Variants in CRACD observed in about 807,000 individuals in gnomAD.
CRACD encodes the protein capping protein inhibiting regulator of actin dynamics, also known as capping protein-inhibiting regulator of actin dynamics.
Under a neutral mutation model 106.8 loss-of-function variants are expected in CRACD, and 56 were observed. That is an observed-to-expected ratio of 0.52 (90% confidence interval 0.42 to 0.66). CRACD has a LOEUF of 0.66. Among genes scored for constraint, CRACD ranks in the 30% least tolerant of loss-of-function variants. CRACD has a pLI of 0.00. For missense variants in CRACD, 1,730 were observed against 1,623.2 expected, an observed-to-expected ratio of 1.07 and a Z score of -1.13; for synonymous variants, 754 against 670.8, an observed-to-expected ratio of 1.12 and a Z score of -1.92.
At chr4:56,223,261 T>C (rs1405291127) in intron 2 of CRACD, among the ~76,000 whole-genome samples, 1 of 151,826 alleles carries the variant, frequency 6.6e-6, no homozygotes, top group African/African-American at 2.4e-5. Flanking sequence ...GAGTTTGTTC[T>C]CTTGAGTCTC....
At chr4:56,074,418 A>G (rs768046637) in intron 1 of CRACD, among the ~76,000 whole-genome samples, 1 of 152,052 alleles carries the variant, frequency 6.6e-6, no homozygotes. Flanking sequence ...TGTAAGTTGT[A>G]TTCCTAGGTA....
intron 4 of CRACD, among the ~76,000 whole-genome samples, chr4:56,305,609 C>A (rs978079144): frequency 6.6e-6 from 1 of 152,182 alleles, no homozygotes; most frequent in East Asian, 1.9e-4. Context: ...TCCCCACAAC[C>A]CTTCCAGGCT....
Position 56,327,823 on chromosome 4 carries a change from C to G in CRACD, c.*19C>G, listed in dbSNP as rs1441009480. ...TAAGTAAAGAGTGACTCTCACCCAT[C>G]CCTACTGCCAGTTATTGGCTCCTCT... On this transcript the variant is annotated 3_prime_UTR_variant, in exon 11 of 11. Transcript: ENST00000682029. The G allele has an allele frequency of 6.2e-7, 1 of 1,600,928 alleles. No individual in the cohort carries two copies. The highest frequency in any genetic ancestry group is 1.7e-5 in the Admixed American group (1 of 58,876).
At chr4:56,307,767 C>G in intron 5 of CRACD, 68 bp downstream of exon 5, 1 of 1,520,138 alleles carries the variant, frequency 6.6e-7, no homozygotes, top group Non-Finnish European at 9.1e-7. Context: ...CTCCAGTAAC[C>G]CTGGGGTCTG....
At chr4:56,237,091 T>A (rs1053812285) in intron 2 of CRACD, among the ~76,000 whole-genome samples, 3 of 152,166 alleles carry the variant, frequency 2.0e-5, no homozygotes, top group Admixed American at 6.6e-5. Context: ...ATGAACATCT[T>A]TATTTATTTT....
chr4:56,066,185 T>C (rs1732461018), intron 1 of CRACD, among the ~76,000 whole-genome samples: 1 of 152,220 alleles, frequency 6.6e-6, no homozygotes, highest in Non-Finnish European at 1.5e-5. Context: ...TGCTCTACAT[T>C]GCAGGGCAGA....
At chr4:56,126,045 G>A (rs1488734123) in intron 1 of CRACD, among the ~76,000 whole-genome samples, 1 of 151,968 alleles carries the variant, frequency 6.6e-6, no homozygotes, top group Non-Finnish European at 1.5e-5. Context: ...ATGCTGAGTG[G>A]CATGAGCTAC....
intron 2 of CRACD, among the ~76,000 whole-genome samples, chr4:56,261,071 A>G (rs528645420): frequency 5.9e-5 from 9 of 152,294 alleles, no homozygotes; most frequent in African/African-American, 2.2e-4. Flanking sequence ...CTATGTGTAG[A>G]ACTGACATGA....
chr4:56,119,413 C>T (rs1046003773), intron 1 of CRACD, among the ~76,000 whole-genome samples: 28 of 152,006 alleles, frequency 1.8e-4, no homozygotes, highest in Admixed American at 3.9e-4. Context: ...TCACTGTAGC[C>T]TCCACCTACT....
At chr4:56,160,197 T>G (rs1735903856) in intron 1 of CRACD, among the ~76,000 whole-genome samples, 1 of 151,544 alleles carries the variant, frequency 6.6e-6, no homozygotes, top group African/African-American at 2.4e-5. Context: ...TTTTTTTTTT[T>G]TTTTTGAAGA....
chr4:56,203,894 A>G, intron 2 of CRACD, among the ~76,000 whole-genome samples: 1 of 152,192 alleles, frequency 6.6e-6, no homozygotes, highest in Non-Finnish European at 1.5e-5. Context: ...ACCTGCCTCC[A>G]TACAAGGCCA....
At position 56,294,957 on chromosome 4, in the gene CRACD, AAAAG is replaced by A. The variant is rs535460191; in HGVS notation, c.-16-3245_-16-3242del. On this transcript the variant is annotated intron_variant, in intron 3 of 10. Coordinates refer to ENST00000682029, the MANE Select transcript of CRACD (RefSeq NM_001393381.1). ...AAAGTAAAAAGAAAAAAAAGAAAAG[AAAAG>A]AAAGAAAGAAAAAAACCCAGAAAAC... 2.0e-3 allele frequency among the ~76,000 whole-genome samples: 297 copies of A among 151,032 alleles called. 1 individual carries two copies. Among genetic ancestry groups the A allele is most frequent in the Middle Eastern group, 3.4e-3 (1 of 290 alleles).
chr4:56,262,399 T>C (rs1741757362), intron 2 of CRACD, among the ~76,000 whole-genome samples: 1 of 152,242 alleles, frequency 6.6e-6, no homozygotes, highest in Non-Finnish European at 1.5e-5. Flanking sequence ...TACATTCTCC[T>C]AGTGTAAGCT....
chr4:56,167,978 G>A (rs1175526621), intron 1 of CRACD, among the ~76,000 whole-genome samples: 1 of 152,142 alleles, frequency 6.6e-6, no homozygotes, highest in Non-Finnish European at 1.5e-5. Context: ...GATTCCTCAG[G>A]ATTTTCTACA....
chr4:56,125,258 A>T (rs1734620402), intron 1 of CRACD, among the ~76,000 whole-genome samples: 1 of 152,092 alleles, frequency 6.6e-6, no homozygotes, highest in Non-Finnish European at 1.5e-5. Flanking sequence ...ATTTTTTTAA[A>T]TTGTATTGTT....
intron 3 of CRACD, among the ~76,000 whole-genome samples, chr4:56,291,397 T>C (rs1743696340): frequency 1.3e-5 from 2 of 152,176 alleles, no homozygotes; most frequent in Admixed American, 1.3e-4. Flanking sequence ...CCCAGATGGT[T>C]AAGGACCATG....
chr4:56,107,597 TC>T (rs1198611138), intron 1 of CRACD, among the ~76,000 whole-genome samples: 1 of 152,206 alleles, frequency 6.6e-6, no homozygotes, highest in Non-Finnish European at 1.5e-5. Flanking sequence ...ATTGGTCTTT[TC>T]AGGGCTACCC....
chr4:56,324,035 C>T, intron 9 of CRACD, 69 bp from the exon 10 acceptor site: 1 of 1,515,682 alleles, frequency 6.6e-7, no homozygotes, highest in Non-Finnish European at 8.9e-7. Flanking sequence ...GCCCCGAAGG[C>T]CTGCAGGGTC....
chr4:56,144,842 C>T (rs765032530), intron 1 of CRACD, among the ~76,000 whole-genome samples: 5 of 151,936 alleles, frequency 3.3e-5, no homozygotes, highest in Non-Finnish European at 7.4e-5. Flanking sequence ...TTAGTAGAGA[C>T]GGTGTTTTGC....
Sources: allele counts gnomAD v4.1 joint callset (sites outside exome capture counted in the v4.1 genomes callset), GRCh38; gene constraint gnomAD v4.1.1; transcripts MANE v1.5; gene names NCBI Gene and HGNC (gene_info 2026-07-23, HGNC 2026-07-21).